Variants in SFXN2 observed in about 807,000 individuals in gnomAD.
SFXN2 encodes the protein sideroflexin 2.
A neutral mutation model predicts 41.9 loss-of-function variants in SFXN2; 37 were observed. The observed-to-expected ratio is 0.88, with a 90% CI of 0.68 to 1.16. The LOEUF is 1.16. Ranked by LOEUF, SFXN2 falls within the 50% of genes most tolerant of loss-of-function variation. SFXN2 has a pLI of 0.00. For synonymous variants in SFXN2, 150 were observed against 156.7 expected (o/e 0.96, Z 0.32); for missense variants, 386 against 425.2 (o/e 0.91, Z 0.81).
intron 9 of SFXN2, 31 bp from the exon 10 acceptor site, chr10:102,733,523 G>T: frequency 6.3e-7 from 1 of 1,594,764 alleles, no homozygotes. Flanking sequence ...GAAGTACCAT[G>T]TGGATCTGTC....
intron 1 of SFXN2, among the ~76,000 whole-genome samples, chr10:102,722,925 CTTTTTT>C (rs71019608): frequency 1.3e-4 from 7 of 53,360 alleles, no homozygotes; most frequent in Admixed American, 8.3e-4. Context: ...CAAGAAAGTC[CTTTTTT>C]TTTTTTTTTT....
chr10:102,730,018 G>A lies in SFXN2; in HGVS notation c.593+210G>A, dbSNP rs577505432. Among the ~76,000 whole-genome samples, 4 of 152,258 alleles carry A rather than the reference G, an allele frequency of 2.6e-5. No individual in the cohort carries two copies. In the South Asian group the frequency reaches 6.2e-4, roughly 24 times the overall value. On this transcript the variant is annotated intron_variant, in intron 6 of 11. Coordinates refer to ENST00000369893, the MANE Select transcript of SFXN2 (RefSeq NM_178858.6). ...TGGGTTAGGCCGTGTGTTGAGTCCCGTGGGAGTCCTCTCCTGGGTGATGTG... is the reference window on the plus strand; with the variant it reads ...TGGGTTAGGCCGTGTGTTGAGTCCCATGGGAGTCCTCTCCTGGGTGATGTG...
chr10:102,731,806 G>A, intron 7 of SFXN2, 23 bp downstream of exon 7: 1 of 1,608,178 alleles, frequency 6.2e-7, no homozygotes, highest in South Asian at 1.1e-5. Context: ...CTCCCTTTGG[G>A]GTGGGAGGAG....
At position 102,741,696 on chromosome 10, in the gene SFXN2, C is replaced by T. The variant is rs1842786825; in HGVS notation, c.*3934C>T. On this transcript the variant is annotated 3_prime_UTR_variant, in exon 12 of 12. Coordinates refer to ENST00000369893, the MANE Select transcript of SFXN2 (RefSeq NM_178858.6). ...TTGGGATTACAGGCGTGAGCCACTA[C>T]ATCCCACCTGGGGTTTCTTAGTGAT... The T allele has an allele frequency of 1.3e-5, 2 of 152,238 alleles. No homozygotes were observed. The highest frequency in any genetic ancestry group is 4.1e-4 in the South Asian group (2 of 4,834). The allele number at this position is 152,238 out of a possible 1,614,324, so 9.4% of individuals were successfully genotyped here.
Position 102,735,924 on chromosome 10 carries a change from T to C in SFXN2, c.869+15T>C. ...CCACAGAAATGGTATCTGCTGTTCA[T>C]TCCTTACTTGGTTTAATTGACCATG... is the stretch of plus-strand genomic sequence containing the variant. On this transcript the variant is annotated intron_variant, in intron 11 of 11. Transcript: ENST00000369893. The C allele has an allele frequency of 6.2e-7, 1 of 1,613,676 alleles. No individual in the cohort carries two copies. The highest frequency in any genetic ancestry group is 8.5e-7 in the Non-Finnish European group (1 of 1,179,568).
At chr10:102,732,734 T>C (rs1255926234) in intron 8 of SFXN2, 125 bp from the exon 9 acceptor site, 6 of 923,558 alleles carry the variant, frequency 6.5e-6, no homozygotes, top group Middle Eastern at 2.8e-4. Flanking sequence ...TTCTGCCTAG[T>C]GGTAAGTATT....
At chr10:102,716,562 C>CTTTTTTTTT (rs567284795) in intron 1 of SFXN2, 13 of 87,954 alleles carry the variant, frequency 1.5e-4, no homozygotes, top group Non-Finnish European at 2.1e-4. Context: ...TCTTTCTTTC[C>CTTTTTTTTT]TTTTTTTTTT....
At chr10:102,718,946 A>T (rs1257851446) in intron 1 of SFXN2, among the ~76,000 whole-genome samples, 1 of 100,130 alleles carries the variant, frequency 1.0e-5, no homozygotes, top group Non-Finnish European at 1.9e-5. Context: ...TTTTTTTGAG[A>T]CAGGGTCTTG....
intron 3 of SFXN2, 118 bp downstream of exon 3, chr10:102,727,275 T>A: frequency 9.1e-7 from 1 of 1,097,866 alleles, no homozygotes; most frequent in Non-Finnish European, 1.3e-6. Flanking sequence ...TACCAGGCAC[T>A]ATGCTACATT....
rs1178906899 is a variant in SFXN2, at chr10:102,739,923, A to G, written c.*2161A>G. On this transcript the variant is annotated 3_prime_UTR_variant, in exon 12 of 12. Coordinates refer to ENST00000369893, the MANE Select transcript of SFXN2 (RefSeq NM_178858.6). The stretch of plus-strand genomic sequence containing the variant: ...GTCTCAAAAAAAAAAAAGAAAACAC[A>G]TCAGAATTAGCTGGCAGGCTTGTTA... 1 of 151,768 alleles carries G rather than the reference A, an allele frequency of 6.6e-6. No homozygotes were observed. 9.4% of individuals were successfully genotyped at this position (151,768 alleles called of 1,614,324 possible). A position where few individuals can be genotyped will look rare whatever the true frequency, so the allele number is the denominator to read the frequency against.
chr10:102,727,179 G>A (rs190471044), intron 3 of SFXN2, 22 bp downstream of exon 3: 218 of 1,584,184 alleles, frequency 1.4e-4, no homozygotes, highest in East Asian at 1.1e-3. Context: ...GGGCAGGGCC[G>A]TGGGAGGTAC....
chr10:102,722,649 C>T (rs574129732), intron 1 of SFXN2, among the ~76,000 whole-genome samples: 1 of 151,898 alleles, frequency 6.6e-6, no homozygotes. Context: ...CAAGCAGTCC[C>T]CGCACCTCAG....
intron 3 of SFXN2, among the ~76,000 whole-genome samples, chr10:102,728,094 T>A (rs1259394040): frequency 6.6e-6 from 1 of 151,682 alleles, no homozygotes; most frequent in Non-Finnish European, 1.5e-5. Context: ...AGGTCAAGAG[T>A]TCAAGACCAG....
Position 102,729,735 on chromosome 10 carries a change from T to C in SFXN2, c.520T>C (p.Leu174=), listed in dbSNP as rs1335448590. Reference sequence around the variant, plus strand: ...CTTCCCCCAACAGAAAGCGCCGCCCTTGGTGGGCCGCTGGGTGCCCTTTGC... The same window carrying C: ...CTTCCCCCAACAGAAAGCGCCGCCCCTGGTGGGCCGCTGGGTGCCCTTTGC... ...MNMLTKKAPP[L]VGRWVPFAAV... is the part of the protein sequence containing the mutation. The change falls in exon 6 of 12, where the codon TTG becomes CTG. Residue 174 remains leucine (L), a synonymous_variant. Coordinates refer to ENST00000369893, the MANE Select transcript of SFXN2 (RefSeq NM_178858.6). 1 of 1,614,026 alleles carries C rather than the reference T, an allele frequency of 6.2e-7. No homozygotes were observed. The highest frequency in any genetic ancestry group is 1.7e-5 in the Admixed American group (1 of 60,016).
At chr10:102,718,918 C>CTTTTTTTTTTTTT (rs34471332) in intron 1 of SFXN2, among the ~76,000 whole-genome samples, 1 of 74,302 alleles carries the variant, frequency 1.3e-5, no homozygotes, top group Non-Finnish European at 2.4e-5. Context: ...TTCTCGGCTT[C>CTTTTTTTTTTTTT]TTTTTTTTTT....
intron 10 of SFXN2, among the ~76,000 whole-genome samples, chr10:102,733,949 G>A (rs1233505968): frequency 1.3e-5 from 2 of 151,572 alleles, no homozygotes; most frequent in Non-Finnish European, 2.9e-5. Flanking sequence ...GTGCAATGGC[G>A]CAGCCTCAGC....
chr10:102,725,576 A>G (rs924969543), intron 1 of SFXN2, among the ~76,000 whole-genome samples: 1 of 152,228 alleles, frequency 6.6e-6, no homozygotes, highest in Non-Finnish European at 1.5e-5. Context: ...CAGCCTGGAT[A>G]AAATAATGAG....
At chr10:102,722,186 G>A (rs1430981230) in intron 1 of SFXN2, among the ~76,000 whole-genome samples, 2 of 152,138 alleles carry the variant, frequency 1.3e-5, no homozygotes, top group African/African-American at 2.4e-5. Flanking sequence ...ATTTAAAAGC[G>A]TCAGCTTTTT....
At chr10:102,724,450 TC>T (rs1276976979) in intron 1 of SFXN2, among the ~76,000 whole-genome samples, 1 of 152,228 alleles carries the variant, frequency 6.6e-6, no homozygotes, top group African/African-American at 2.4e-5. Flanking sequence ...ACGCCTGTAA[TC>T]CCAGCACTTT....
Sources: gnomAD v4.1 joint callset for allele counts (sites outside exome capture counted in the v4.1 genomes callset) on GRCh38, gnomAD v4.1.1 for gene constraint, MANE v1.5 for transcripts, NCBI Gene and HGNC (gene_info 2026-07-23, HGNC 2026-07-21) for gene names.